Variants in ERBB4 observed in about 807,000 individuals in gnomAD.
ERBB4 encodes the protein receptor tyrosine-protein kinase erbB-4.
Under a neutral mutation model 158.0 loss-of-function variants are expected in ERBB4, and 42 were observed. The observed-to-expected ratio is 0.27, with a 90% CI of 0.21 to 0.34. The LOEUF (loss-of-function observed/expected upper bound fraction) is 0.34. ERBB4 is among the 10% of genes least tolerant of loss of function. The probability of loss-of-function intolerance (pLI) is 1.00; values close to 1 mark genes in which losing one functional copy is unlikely to be tolerated. For synonymous variants in ERBB4, 583 were observed against 558.7 expected (o/e 1.04, Z -0.61); for missense variants, 1,333 against 1,624.1 (o/e 0.82, Z 3.08).
At chr2:211,795,098 T>C (rs1354137932) in intron 3 of ERBB4, among the ~76,000 whole-genome samples, 1 of 151,834 alleles carries the variant, frequency 6.6e-6, no homozygotes, top group Non-Finnish European at 1.5e-5. Context: ...CACAAATCCA[T>C]CTTGCATATT....
chr2:211,965,139 CG>C (rs1553520664), intron 2 of ERBB4, among the ~76,000 whole-genome samples: 1 of 151,898 alleles, frequency 6.6e-6, no homozygotes, highest in Non-Finnish European at 1.5e-5. Context: ...TTGACAGCGT[CG>C]TATCATGAAA....
At chr2:212,460,565 C>G (rs1435880404) in intron 1 of ERBB4, among the ~76,000 whole-genome samples, 1 of 152,156 alleles carries the variant, frequency 6.6e-6, no homozygotes, top group Non-Finnish European at 1.5e-5. Context: ...CATTTTGCCC[C>G]TGCCCTAGAG....
In ERBB4 at chr2:211,630,458, T is replaced by A. The variant is rs1206127928; in HGVS notation, c.2079+4A>T. The A allele has an allele frequency of 6.2e-7, 1 of 1,613,230 alleles. No homozygotes were observed. The highest frequency in any genetic ancestry group is 1.7e-5 in the Admixed American group (1 of 60,012). On this transcript the variant is annotated splice_donor_region_variant and intron_variant, in intron 17 of 27. Transcript: ENST00000342788. Reference sequence around the variant, plus strand: ...CACATGAAGAGGAGAAAGAAATACCTCACCTCTGTTTCCAAGAATCTTCTC... The same window carrying A: ...CACATGAAGAGGAGAAAGAAATACCACACCTCTGTTTCCAAGAATCTTCTC...
chr2:211,772,834 TAC>T (rs1553629886), intron 4 of ERBB4, among the ~76,000 whole-genome samples: 153 of 10,318 alleles, frequency 0.015, 2 homozygotes, highest in Admixed American at 0.026. Flanking sequence ...TATATATATA[TAC>T]ACATATATAT....
intron 1 of ERBB4, among the ~76,000 whole-genome samples, chr2:212,250,751 T>C (rs1332170304): frequency 6.6e-6 from 1 of 151,846 alleles, no homozygotes; most frequent in Non-Finnish European, 1.5e-5. Context: ...CCCTGTTGTT[T>C]TCTGTTTTTA....
intron 20 of ERBB4, among the ~76,000 whole-genome samples, chr2:211,544,336 G>C (rs528062403): frequency 6.6e-6 from 1 of 152,020 alleles, no homozygotes. Context: ...CAGGAAATAA[G>C]AGCTTTTTTC....
intron 17 of ERBB4, among the ~76,000 whole-genome samples, chr2:211,625,398 A>G (rs896069964): frequency 6.6e-6 from 1 of 152,152 alleles, no homozygotes; most frequent in South Asian, 2.1e-4. Context: ...CGGCCTACTT[A>G]ATTAGTGGAA....
chr2:212,434,013 G>A (rs1460705058), intron 1 of ERBB4, among the ~76,000 whole-genome samples: 1 of 151,856 alleles, frequency 6.6e-6, no homozygotes, highest in Non-Finnish European at 1.5e-5. Context: ...ATTCACAAAG[G>A]GAAATTAAGC....
chr2:212,091,480 T>C (rs1208530045), intron 2 of ERBB4, among the ~76,000 whole-genome samples: 1 of 152,112 alleles, frequency 6.6e-6, no homozygotes, highest in Non-Finnish European at 1.5e-5. Context: ...GGAATTGAGG[T>C]AGGGCAAATT....
In ERBB4 at chr2:212,187,444, T is replaced by TA. The variant is rs1307205575; in HGVS notation, c.83-62542dup. Among the ~76,000 whole-genome samples, 3 of 150,738 alleles carry TA rather than the reference T, an allele frequency of 2.0e-5. No individual in the cohort carries two copies. In the East Asian group the frequency reaches 5.8e-4, roughly 29 times the overall value. On this transcript the variant is annotated intron_variant, in intron 1 of 27. Coordinates refer to ENST00000342788, the MANE Select transcript of ERBB4 (RefSeq NM_005235.3). ...AATAATAAATAAATAAATAAATAAA[T>TA]AAATAAAGATGTTAATCTTCCATTA... is the stretch of plus-strand genomic sequence containing the variant.
chr2:212,316,683 T>C (rs959726517), intron 1 of ERBB4, among the ~76,000 whole-genome samples: 1 of 151,446 alleles, frequency 6.6e-6, no homozygotes, highest in Non-Finnish European at 1.5e-5. Flanking sequence ...ATGGTGTCAG[T>C]TGAGAGACTA....
chr2:211,989,097 C>A (rs189602385), intron 2 of ERBB4, among the ~76,000 whole-genome samples: 1 of 151,940 alleles, frequency 6.6e-6, no homozygotes, highest in East Asian at 1.9e-4. Flanking sequence ...CCTCTAGATT[C>A]TTTCTCTGTT....
At chr2:212,397,259 G>A (rs964275245) in intron 1 of ERBB4, among the ~76,000 whole-genome samples, 1 of 152,036 alleles carries the variant, frequency 6.6e-6, no homozygotes, top group Non-Finnish European at 1.5e-5. Context: ...AGGATCACTT[G>A]AGCCCAGGAG....
chr2:211,709,613 T>C (rs1023490296), intron 9 of ERBB4, among the ~76,000 whole-genome samples: 10 of 152,052 alleles, frequency 6.6e-5, no homozygotes, highest in African/African-American at 2.2e-4. Flanking sequence ...GGTGATCCTA[T>C]AGTTTACAGC....
At chr2:211,483,395 C>T (rs557217508) in intron 20 of ERBB4, among the ~76,000 whole-genome samples, 2 of 152,058 alleles carry the variant, frequency 1.3e-5, no homozygotes, top group East Asian at 3.9e-4. Context: ...TAAACTATTC[C>T]AACATCATAA....
chr2:211,809,536 T>C (rs191398936), intron 3 of ERBB4, among the ~76,000 whole-genome samples: 10 of 152,334 alleles, frequency 6.6e-5, no homozygotes, highest in Middle Eastern at 3.4e-3. Flanking sequence ...GGTGGTGATA[T>C]CCCCTTTATC....
chr2:212,283,038 C>G (rs2085818607), intron 1 of ERBB4, among the ~76,000 whole-genome samples: 1 of 151,674 alleles, frequency 6.6e-6, no homozygotes, highest in South Asian at 2.1e-4. Flanking sequence ...ATTTCCATGG[C>G]AGGGACAAAA....
chr2:211,562,294 T>C (rs988206624), intron 19 of ERBB4, among the ~76,000 whole-genome samples: 2 of 152,212 alleles, frequency 1.3e-5, no homozygotes, highest in Non-Finnish European at 2.9e-5. Context: ...AGTCTCTACA[T>C]GCATTAACAT....
rs572644095 is a variant in ERBB4, at chr2:211,807,939, T to C, written c.422-19780A>G. ...TAAATGTCTTCTTCTGAGAAGTTTC[T>C]GTTCATATCCTTTGCCCACTTTTTG... On this transcript the variant is annotated intron_variant, in intron 3 of 27. Coordinates refer to ENST00000342788, the MANE Select transcript of ERBB4 (RefSeq NM_005235.3). Among the ~76,000 whole-genome samples, 13 of 152,370 alleles carry C rather than the reference T, an allele frequency of 8.5e-5. No individual in the cohort carries two copies. The South Asian group carries it at 2.5e-3, about 29-fold the overall frequency.
Sources: gnomAD v4.1 joint callset for allele counts (sites outside exome capture counted in the v4.1 genomes callset) on GRCh38, gnomAD v4.1.1 for gene constraint, MANE v1.5 for transcripts, NCBI Gene and HGNC (gene_info 2026-07-23, HGNC 2026-07-21) for gene names.